Variants in STAM observed in about 807,000 individuals in gnomAD.
STAM encodes the protein signal transducing adapter molecule 1.
Under a neutral mutation model 63.4 loss-of-function variants are expected in STAM, and 16 were observed. The ratio of observed to expected loss-of-function variants is 0.25; its 90% CI spans 0.17 to 0.38. The LOEUF (loss-of-function observed/expected upper bound fraction) is 0.38. STAM is among the 10% of genes least tolerant of loss of function. The pLI, the probability that STAM is intolerant of heterozygous loss-of-function variation, is 1.00. For missense variants in STAM, 636 were observed against 657.1 expected (o/e 0.97, Z 0.35); for synonymous variants, 238 against 223.9 (o/e 1.06, Z -0.56).
At chr10:17,672,436 A>G (rs560171080) in intron 2 of STAM, among the ~76,000 whole-genome samples, 1 of 152,330 alleles carries the variant, frequency 6.6e-6, no homozygotes, top group African/African-American at 2.4e-5. Flanking sequence ...ATTTAACTGT[A>G]TTCTTTTCCA....
At position 17,711,863 on chromosome 10, in the gene STAM, T is replaced by C. The variant is rs1170440373; in HGVS notation, c.1386-2680T>C. On this transcript the variant is annotated intron_variant, in intron 13 of 13. Coordinates refer to ENST00000377524, the MANE Select transcript of STAM (RefSeq NM_003473.4). Reference sequence around the variant, plus strand: ...GGGCTTTAAATGGCAGTAGCGTAGATGGATTCATAGGGGCAAGATTAGAAG... The same window carrying C: ...GGGCTTTAAATGGCAGTAGCGTAGACGGATTCATAGGGGCAAGATTAGAAG... 3.3e-5 allele frequency among the ~76,000 whole-genome samples: 5 copies of C among 152,202 alleles called. No individual in the cohort carries two copies. The East Asian group carries it at 9.6e-4, about 29-fold the overall frequency.
chr10:17,684,105 C>A (rs782686337), intron 2 of STAM, among the ~76,000 whole-genome samples: 2 of 152,168 alleles, frequency 1.3e-5, no homozygotes, highest in Non-Finnish European at 2.9e-5. Context: ...TAGCATATCG[C>A]CCTCGGTCAC....
At chr10:17,695,320 G>A in intron 7 of STAM, 79 bp downstream of exon 7, 1 of 1,310,278 alleles carries the variant, frequency 7.6e-7, no homozygotes, top group Admixed American at 2.1e-5. Flanking sequence ...GTTGATTGCA[G>A]TTACCAAATA....
rs938299213 is a variant in STAM, at chr10:17,665,913, G to A, written c.125+5365G>A. On this transcript the variant is annotated intron_variant, in intron 2 of 13. Transcript: ENST00000377524. ...AGTGTGTGAGTAACTAGTGAAGAATGCCCAGCCAATTAGGTCATATGATGG... is the reference window on the plus strand; with the variant it reads ...AGTGTGTGAGTAACTAGTGAAGAATACCCAGCCAATTAGGTCATATGATGG... 3.3e-5 allele frequency among the ~76,000 whole-genome samples: 5 copies of A among 152,068 alleles called. No individual in the cohort carries two copies. The South Asian group carries it at 1.0e-3, about 31-fold the overall frequency.
chr10:17,675,124 ATGG>A (rs1834793250), intron 2 of STAM, among the ~76,000 whole-genome samples: 1 of 152,222 alleles, frequency 6.6e-6, no homozygotes, highest in Admixed American at 6.5e-5. Flanking sequence ...ATTTTCTTTC[ATGG>A]TGCCTTTTCA....
intron 1 of STAM, among the ~76,000 whole-genome samples, chr10:17,651,643 T>C (rs1833745790): frequency 6.6e-6 from 1 of 152,250 alleles, no homozygotes; most frequent in African/African-American, 2.4e-5. Context: ...GCTGTTCTTT[T>C]GATACCTACT....
chr10:17,670,690 A>G (rs1834601691), intron 2 of STAM, among the ~76,000 whole-genome samples: 1 of 152,148 alleles, frequency 6.6e-6, no homozygotes, highest in Non-Finnish European at 1.5e-5. Context: ...TGCTTTTCTA[A>G]TGAAGTCCTT....
Position 17,685,007 on chromosome 10 carries a change from A to C in STAM, c.297+80A>C, listed in dbSNP as rs531488505. 3 of 1,163,210 alleles carry C rather than the reference A, an allele frequency of 2.6e-6. No homozygotes were observed. In the African/African-American group the frequency reaches 4.6e-5, roughly 18 times the overall value. 72.1% of individuals were successfully genotyped at this position (1,163,210 alleles called of 1,614,324 possible). A position where few individuals can be genotyped will look rare whatever the true frequency, so the allele number is the denominator to read the frequency against. On this transcript the variant is annotated intron_variant, in intron 4 of 13. Transcript: ENST00000377524. ...TTTATTGTTTAAATCTTCACAGAGG[A>C]CTATTCTGTGCTTTTTAAGAAATCC...
At chr10:17,666,192 C>A (rs1318183522) in intron 2 of STAM, among the ~76,000 whole-genome samples, 1 of 151,966 alleles carries the variant, frequency 6.6e-6, no homozygotes, top group East Asian at 1.9e-4. Flanking sequence ...TAGCTTTAGC[C>A]AAAGATATAG....
chr10:17,657,943 A>T (rs1373168361), intron 1 of STAM, among the ~76,000 whole-genome samples: 1 of 146,518 alleles, frequency 6.8e-6, no homozygotes, highest in Non-Finnish European at 1.5e-5. Context: ...GATTTTCTGT[A>T]TTGGTCTTAT....
chr10:17,675,412 G>A (rs1834807717), intron 2 of STAM, among the ~76,000 whole-genome samples: 2 of 151,736 alleles, frequency 1.3e-5, no homozygotes, highest in South Asian at 2.1e-4. Flanking sequence ...GCTGAGGTGG[G>A]AGAATTGCTT....
chr10:17,671,778 A>G (rs1161455670), intron 2 of STAM, among the ~76,000 whole-genome samples: 1 of 152,038 alleles, frequency 6.6e-6, no homozygotes, highest in East Asian at 1.9e-4. Flanking sequence ...TTTCTTTTAT[A>G]TTTGCAATAC....
In STAM at chr10:17,696,817, G is replaced by T. The variant is rs202095046; in HGVS notation, c.771G>T (p.Gly257=). 5 of 1,614,030 alleles carry T rather than the reference G, an allele frequency of 3.1e-6. No individual in the cohort carries two copies. In the East Asian group the frequency reaches 6.7e-5, roughly 22 times the overall value. The change falls in exon 8 of 14, where the codon GGG becomes GGT. Residue 257 remains glycine, a synonymous_variant. Coordinates refer to ENST00000377524, the MANE Select transcript of STAM (RefSeq NM_003473.4). The stretch of plus-strand genomic sequence containing the variant: ...AAGGTGAAACCCATCAAGGCATAGG[G>T]TTATTTCCTTCTAATTTTGTGACTG... ...WWKGETHQGI[G]LFPSNFVTAD...
At chr10:17,682,243 G>A (rs1284188343) in intron 2 of STAM, among the ~76,000 whole-genome samples, 1 of 152,138 alleles carries the variant, frequency 6.6e-6, no homozygotes, top group Admixed American at 6.5e-5. Flanking sequence ...AGTATTGTCA[G>A]TACTCCTGTG....
intron 5 of STAM, among the ~76,000 whole-genome samples, chr10:17,692,090 A>C (rs1253343188): frequency 6.6e-6 from 1 of 152,154 alleles, no homozygotes; most frequent in Non-Finnish European, 1.5e-5. Context: ...GGTGCCCATG[A>C]GGTGTAGGTG....
At position 17,644,223 on chromosome 10, in the gene STAM, C is replaced by G. The variant is rs1318603957; in HGVS notation, c.-117C>G. On this transcript the variant is annotated 5_prime_UTR_variant, in exon 1 of 14. Coordinates refer to ENST00000377524, the MANE Select transcript of STAM (RefSeq NM_003473.4). ...GGTGAGAGGAGGAGCTGTCGCGGAC[C>G]CTGTAGAGTCGGTCTCTGTTGCTCT... 8.1e-6 allele frequency: 9 copies of G among 1,115,628 alleles called. No individual in the cohort carries two copies. The Admixed American group carries it at 1.5e-4, about 19-fold the overall frequency. The allele number at this position is 1,115,628 out of a possible 1,614,324, so 69.1% of individuals were successfully genotyped here. A position where few individuals can be genotyped will look rare whatever the true frequency, so the allele number is the denominator to read the frequency against.
chr10:17,673,046 A>G lies in STAM; in HGVS notation c.126-11629A>G, dbSNP rs185396068. Reference sequence around the variant, plus strand: ...AAATGGGGTTTTAAGAAGCTTTTTGAGAGAGATGAGGATTTGCCCACCCTT... The same window carrying G: ...AAATGGGGTTTTAAGAAGCTTTTTGGGAGAGATGAGGATTTGCCCACCCTT... On this transcript the variant is annotated intron_variant, in intron 2 of 13. Transcript: ENST00000377524. 2.2e-3 allele frequency: 2,143 copies of G among 985,298 alleles called. 1 individual carries two copies. Among genetic ancestry groups the G allele is most frequent in the Non-Finnish European group, 2.5e-3 (2,041 of 829,810 alleles). 61.0% of individuals were successfully genotyped at this position (985,298 alleles called of 1,614,324 possible).
intron 1 of STAM, among the ~76,000 whole-genome samples, chr10:17,651,992 A>T (rs1469003149): frequency 6.6e-6 from 1 of 152,202 alleles, no homozygotes; most frequent in South Asian, 2.1e-4. Context: ...TTGAAATTCA[A>T]ATGAGGCTCT....
chr10:17,689,844 C>A (rs1036498944), intron 5 of STAM, among the ~76,000 whole-genome samples: 1 of 152,186 alleles, frequency 6.6e-6, no homozygotes, highest in South Asian at 2.1e-4. Context: ...CCTATGGGTT[C>A]ATTATCTCCA....
Sources: gnomAD v4.1 joint callset for allele counts (sites outside exome capture counted in the v4.1 genomes callset) on GRCh38, gnomAD v4.1.1 for gene constraint, MANE v1.5 for transcripts, NCBI Gene and HGNC (gene_info 2026-07-23, HGNC 2026-07-21) for gene names.